PLXNA4: variants seen among roughly 807,000 people sequenced by gnomAD.
The protein encoded by PLXNA4 is plexin A4, also known as plexin-A4.
A neutral mutation model predicts 191.8 loss-of-function variants in PLXNA4; 44 were observed. That is an observed-to-expected ratio of 0.23 (90% confidence interval 0.18 to 0.29). The LOEUF (loss-of-function observed/expected upper bound fraction) is 0.29, where lower values mean the gene tolerates loss of function less well. Ranked by LOEUF, PLXNA4 falls within the 10% of genes least tolerant of loss-of-function variation. PLXNA4 has a pLI of 1.00. For synonymous variants in PLXNA4, 1,082 were observed against 1,009.5 expected, an observed-to-expected ratio of 1.07 and a Z score of -1.36; for missense variants, 1,800 against 2,488.8, an observed-to-expected ratio of 0.72 and a Z score of 5.89.
intron 1 of PLXNA4, among the ~76,000 whole-genome samples, chr7:132,569,070 T>C (rs1801858690): frequency 6.6e-6 from 1 of 151,852 alleles, no homozygotes; most frequent in African/African-American, 2.4e-5. Flanking sequence ...GTGAGGGGAG[T>C]TGACTCATGC....
chr7:132,295,366 C>T (rs1392470922), intron 4 of PLXNA4, among the ~76,000 whole-genome samples: 1 of 152,124 alleles, frequency 6.6e-6, no homozygotes, highest in Non-Finnish European at 1.5e-5. Context: ...GACAGCCGAG[C>T]TAAGTTTTGA....
At chr7:132,300,938 C>A (rs1366756008) in intron 3 of PLXNA4, among the ~76,000 whole-genome samples, 2 of 152,222 alleles carry the variant, frequency 1.3e-5, no homozygotes, top group African/African-American at 2.4e-5. Context: ...TCGACTCCAA[C>A]TTCACTGCTC....
chr7:132,201,603 G>A (rs1010409211), intron 12 of PLXNA4, among the ~76,000 whole-genome samples: 1 of 152,196 alleles, frequency 6.6e-6, no homozygotes, highest in Admixed American at 6.5e-5. Context: ...TGGTAAAGAG[G>A]TATTGAGCAC....
intron 3 of PLXNA4, among the ~76,000 whole-genome samples, chr7:132,472,058 T>C (rs1796954190): frequency 1.3e-5 from 2 of 152,296 alleles, no homozygotes; most frequent in Middle Eastern, 3.4e-3. Flanking sequence ...CAGAAAACAC[T>C]CTGTAAAGTT....
intron 3 of PLXNA4, among the ~76,000 whole-genome samples, chr7:132,303,687 T>C (rs538443156): frequency 1.1e-4 from 16 of 152,320 alleles, no homozygotes; most frequent in Admixed American, 1.0e-3. Flanking sequence ...TGTGTGTCCC[T>C]TGACGGAGCG....
rs79852282 is a variant in PLXNA4, at chr7:132,187,098, A to G, written c.2993+373T>C. 7.2e-3 allele frequency among the ~76,000 whole-genome samples: 1,094 copies of G among 152,204 alleles called. 10 individuals are homozygous for G. Among genetic ancestry groups the G allele is most frequent in the African/African-American group, 0.025 (1,045 of 41,506 alleles). ...TTCTGCGATCCCACCCAGGAACTGA[A>G]GACAGCAAGAAAAACCTATTTCAAC... On this transcript the variant is annotated intron_variant, in intron 15 of 31. Transcript: ENST00000321063.
chr7:132,534,183 G>A (rs1412465422), intron 1 of PLXNA4, among the ~76,000 whole-genome samples: 1 of 152,106 alleles, frequency 6.6e-6, no homozygotes, highest in Non-Finnish European at 1.5e-5. Context: ...CAGAAAGCCG[G>A]TCAGCTTCAA....
At chr7:132,158,765 C>T (rs1795865314) in intron 25 of PLXNA4, among the ~76,000 whole-genome samples, 1 of 152,206 alleles carries the variant, frequency 6.6e-6, no homozygotes. Flanking sequence ...CCTCTCTTCC[C>T]CACTGGCCTC....
chr7:132,615,927 A>ATCTCTCTCTCTCTCTCTCTC (rs370549958), intron 2 of PLXNA4, among the ~76,000 whole-genome samples: 2,754 of 83,478 alleles, frequency 0.033, 257 homozygotes, highest in Non-Finnish European at 0.045. Context: ...CAGATAAAGG[A>ATCTCTCTCTCTCTCTCTCTC]TCTCTCTCTC....
At chr7:132,435,758 C>A (rs1486524368) in intron 3 of PLXNA4, among the ~76,000 whole-genome samples, 5 of 152,176 alleles carry the variant, frequency 3.3e-5, no homozygotes, top group Non-Finnish European at 7.3e-5. Context: ...CACAGCACGT[C>A]CACTGAGCCC....
intron 29 of PLXNA4, among the ~76,000 whole-genome samples, chr7:132,144,023 G>T (rs1030372033): frequency 3.9e-5 from 6 of 152,190 alleles, no homozygotes; most frequent in African/African-American, 1.4e-4. Flanking sequence ...CCTGACTTCT[G>T]CCTTCATCTG....
intron 1 of PLXNA4, among the ~76,000 whole-genome samples, chr7:132,564,343 C>T (rs1306156116): frequency 2.7e-5 from 4 of 147,960 alleles, no homozygotes; most frequent in East Asian, 2.0e-4. Flanking sequence ...TGCTGCTCCT[C>T]CTCCTTCTCC....
In PLXNA4 at chr7:132,633,842, T is replaced by C. The variant is rs555254915; in HGVS notation, c.-87+12086A>G. Among the ~76,000 whole-genome samples the C allele has an allele frequency of 7.2e-5, 11 of 152,242 alleles. 1 individual carries two copies. Among genetic ancestry groups the C allele is most frequent in the African/African-American group, 1.9e-4 (8 of 41,546 alleles). On this transcript the variant is annotated intron_variant, in intron 2 of 4. Transcript: ENST00000378539. ...AATTTTCAGAAATGCAAACCTGTGATTCGCCTCCTCCCATCAGTATCTTCT... is the reference window on the plus strand; with the variant it reads ...AATTTTCAGAAATGCAAACCTGTGACTCGCCTCCTCCCATCAGTATCTTCT...
At chr7:132,581,122 A>C (rs920763753), upstream of PLXNA4, among the ~76,000 whole-genome samples, 3 of 152,210 alleles carry the variant, frequency 2.0e-5, no homozygotes, top group Non-Finnish European at 2.9e-5. Context: ...TTCTCAGTCC[A>C]TTCAAACTAA....
At chr7:132,538,101 T>C (rs1363383033) in intron 1 of PLXNA4, among the ~76,000 whole-genome samples, 1 of 152,212 alleles carries the variant, frequency 6.6e-6, no homozygotes, top group Non-Finnish European at 1.5e-5. Flanking sequence ...CTCCCAATGC[T>C]GCCACCCACA....
intron 3 of PLXNA4, among the ~76,000 whole-genome samples, chr7:132,448,370 G>A (rs1795987746): frequency 6.6e-6 from 1 of 152,204 alleles, no homozygotes; most frequent in South Asian, 2.1e-4. Flanking sequence ...TAAACTATTG[G>A]TAGTTTGCGA....
At chr7:132,298,049 TA>T in intron 4 of PLXNA4, 41 bp downstream of exon 4, 1 of 1,613,444 alleles carries the variant, frequency 6.2e-7, no homozygotes, top group East Asian at 2.2e-5. Flanking sequence ...GGCTAGTATT[TA>T]ACTGCAAGAC....
intron 16 of PLXNA4, among the ~76,000 whole-genome samples, chr7:132,182,964 G>A (rs950816868): frequency 1.3e-5 from 2 of 152,208 alleles, no homozygotes; most frequent in Non-Finnish European, 2.9e-5. Flanking sequence ...GGGCAGTACT[G>A]TAGTGGACTG....
intron 1 of PLXNA4, among the ~76,000 whole-genome samples, chr7:132,518,155 C>G (rs1437146104): frequency 6.6e-6 from 1 of 152,172 alleles, no homozygotes; most frequent in East Asian, 1.9e-4. Context: ...ACTTGGCCAC[C>G]TCACTGCAGC....
Sources: gnomAD v4.1 joint callset for allele counts (sites outside exome capture counted in the v4.1 genomes callset) on GRCh38, gnomAD v4.1.1 for gene constraint, MANE v1.5 for transcripts, NCBI Gene and HGNC (gene_info 2026-07-23, HGNC 2026-07-21) for gene names.